USP5: variants seen among roughly 807,000 people sequenced by gnomAD.
The protein encoded by USP5 is ubiquitin carboxyl-terminal hydrolase 5.
Under a neutral mutation model 102.5 loss-of-function variants are expected in USP5, and 24 were observed. That is an observed-to-expected ratio of 0.23 (90% CI 0.17 to 0.33). USP5 has a LOEUF of 0.33. USP5 is among the 10% of genes least tolerant of loss of function. USP5 has a pLI of 1.00. For synonymous variants in USP5, 460 were observed against 434.8 expected (o/e 1.06, Z -0.72); for missense variants, 753 against 1,122.1 (o/e 0.67, Z 4.70).
Position 6,855,276 on chromosome 12 carries a change from C to T in USP5, c.112-125C>T, listed in dbSNP as rs1944074555. 1.5e-6 allele frequency: 2 copies of T among 1,319,272 alleles called. No individual in the cohort carries two copies. The highest frequency in any genetic ancestry group is 1.4e-5 in the South Asian group (1 of 69,374). The allele number at this position is 1,319,272 out of a possible 1,614,324, so 81.7% of individuals were successfully genotyped here. A position where few individuals can be genotyped will look rare whatever the true frequency, so the allele number is the denominator to read the frequency against. On this transcript the variant is annotated intron_variant, in intron 1 of 19. Transcript: ENST00000229268. This position sits in a 1 kb window ranked among gnomAD's most constrained non-coding sequence, Gnocchi z 4.6. ...AGGCTAAATAACTTGCCAAGGGCCA[C>T]ACAGTGTTAGAGAACAGAACATTTC... is the stretch of plus-strand genomic sequence containing the variant.
intron 1 of USP5, among the ~76,000 whole-genome samples, chr12:6,854,661 G>A (rs1317458330): frequency 6.6e-6 from 1 of 152,128 alleles, no homozygotes; most frequent in Non-Finnish European, 1.5e-5. Flanking sequence ...TGGAGACTGA[G>A]GCAGAAGGAT....
chr12:6,854,802 T>C (rs1944059979), intron 1 of USP5, among the ~76,000 whole-genome samples: 2 of 152,168 alleles, frequency 1.3e-5, no homozygotes, highest in South Asian at 2.1e-4. Flanking sequence ...TTTTGCTTGC[T>C]GGCACACTCG....
rs1157706623 is a variant in USP5 at position 6,861,394 on chromosome 12, C to T, written c.1499-49C>T. ...AGCCAGTAGGGAGAGGCTAAGGAGGCAAAGAAGCAGCACCCTCCGAAGGAT... is the reference window on the plus strand; with the variant it reads ...AGCCAGTAGGGAGAGGCTAAGGAGGTAAAGAAGCAGCACCCTCCGAAGGAT... On this transcript the variant is annotated intron_variant, in intron 12 of 19. Transcript: ENST00000229268. This position sits in a 1 kb window ranked among gnomAD's most constrained non-coding sequence, Gnocchi z 4.9. 2 of 1,519,636 alleles carry T rather than the reference C, an allele frequency of 1.3e-6. No homozygotes were observed. Among genetic ancestry groups the T allele is most frequent in the South Asian group, 1.3e-5 (1 of 77,404 alleles). The allele number at this position is 1,519,636 out of a possible 1,614,324, so 94.1% of individuals were successfully genotyped here.
intron 1 of USP5, among the ~76,000 whole-genome samples, chr12:6,853,006 C>T (rs1348935753): frequency 2.6e-5 from 4 of 151,456 alleles, no homozygotes; most frequent in African/African-American, 4.9e-5. Context: ...ATGCTAAGGC[C>T]TCTTTCCCAT....
In USP5 at chr12:6,863,214, C is replaced by T. The variant is rs782615732; in HGVS notation, c.1791C>T (p.Leu597=). The T allele has an allele frequency of 1.6e-5, 26 of 1,613,560 alleles. No individual in the cohort carries two copies. The highest frequency in any genetic ancestry group is 3.3e-4 in the Middle Eastern group (2 of 6,080). Residue 597 remains leucine (L), a synonymous_variant, in exon 15 of 20, where the codon CTC becomes CTT. Coordinates refer to ENST00000229268, the MANE Select transcript of USP5 (RefSeq NM_001098536.2). This position sits in a 1 kb window ranked among gnomAD's most constrained non-coding sequence, Gnocchi z 4.7. ...LDVSIEMPEE[L]DISQLRGTGL... is the part of the protein sequence containing the mutation. The stretch of plus-strand genomic sequence containing the variant: ...TGTCCATCGAGATGCCAGAGGAGCT[C>T]GACATCTCCCAGTTGAGGGGCACAG...
chr12:6,865,932 C>T, intron 19 of USP5, 52 bp from the exon 20 acceptor site: 3 of 1,516,762 alleles, frequency 2.0e-6, no homozygotes, highest in Non-Finnish European at 2.7e-6. Flanking sequence ...TACATGATGC[C>T]ACTTTGAATG....
rs1944248638 is a variant in USP5, at chr12:6,860,523, T to A, written c.1344+32T>A. ...GCTGGCAAGATGGCACACCCCCATC[T>A]TCCTGCAATTTACTCGCTCTCCTTC... On this transcript the variant is annotated intron_variant, in intron 11 of 19. Coordinates refer to ENST00000229268, the MANE Select transcript of USP5 (RefSeq NM_001098536.2). The surrounding 1 kb of genome is among the most constrained non-coding windows in gnomAD (Gnocchi z 5.5). 1.2e-6 allele frequency: 2 copies of A among 1,611,664 alleles called. No homozygotes were observed. The highest frequency in any genetic ancestry group is 1.7e-6 in the Non-Finnish European group (2 of 1,179,606).
chr12:6,857,466 G>A (rs1944151219), intron 6 of USP5, 163 bp from the exon 7 acceptor site: 1 of 581,790 alleles, frequency 1.7e-6, no homozygotes, highest in African/African-American at 1.9e-5. Flanking sequence ...GCCCCAGAAG[G>A]GCCATGACCG....
Position 6,864,813 on chromosome 12 carries a change from C to T in USP5, c.2336C>T (p.Ser779Leu). The T allele has an allele frequency of 6.2e-7, 1 of 1,614,032 alleles. No homozygotes were observed. The highest frequency in any genetic ancestry group is 8.5e-7 in the Non-Finnish European group (1 of 1,180,048). The stretch of plus-strand genomic sequence containing the variant: ...GCCATGGACATCTCAGAGGGCCGCT[C>T]AGCTGCCGACTCCATCTCTGAGTCT... ...EAAMDISEGRSAADSISESVP... is the reference protein window; with the variant it reads ...EAAMDISEGRLAADSISESVP... The change falls in exon 18 of 20, where the codon TCA becomes TTA. Residue 779 changes from serine to leucine, a missense_variant. Ser to Leu is a moderately radical substitution (Grantham distance 145). Around this residue, in one of 3 missense-constraint regions of USP5, gnomAD observed 193 missense variants for 230.2 expected, o/e 0.84. Transcript: ENST00000229268. The surrounding 1 kb of genome is among the most constrained non-coding windows in gnomAD (Gnocchi z 4.8).
At chr12:6,852,383 C>T (rs1687778029) in intron 1 of USP5, 93 bp downstream of exon 1, 1 of 1,248,584 alleles carries the variant, frequency 8.0e-7, no homozygotes, top group East Asian at 2.5e-5. Context: ...CTACCGCCTC[C>T]CTGCGATGCA....
At chr12:6,859,353 A>G in intron 8 of USP5, 117 bp from the exon 9 acceptor site, 1 of 991,450 alleles carries the variant, frequency 1.0e-6, no homozygotes, top group Non-Finnish European at 1.6e-6. Flanking sequence ...GTTCACCCAC[A>G]GCAACTCCCC....
intron 19 of USP5, 89 bp downstream of exon 19, chr12:6,865,337 A>T: frequency 8.2e-7 from 1 of 1,217,448 alleles, no homozygotes; most frequent in Non-Finnish European, 1.2e-6. Flanking sequence ...CTATGGGAGA[A>T]GGTGAAGGGA....
chr12:6,854,930 C>T (rs1293168297), intron 1 of USP5, among the ~76,000 whole-genome samples: 1 of 152,130 alleles, frequency 6.6e-6, no homozygotes, highest in Non-Finnish European at 1.5e-5. Context: ...TTCAGTGTCT[C>T]ACATGAAAGT....
intron 1 of USP5, among the ~76,000 whole-genome samples, chr12:6,854,903 G>C (rs1209569886): frequency 6.6e-6 from 1 of 152,104 alleles, no homozygotes; most frequent in Non-Finnish European, 1.5e-5. Flanking sequence ...TTTGTCTTAG[G>C]TGTCCCCTGG....
rs782524704 is a variant in USP5 at position 6,864,112 on chromosome 12, G to C, written c.2161G>C (p.Asp721His). 1.2e-6 allele frequency: 2 copies of C among 1,613,826 alleles called. No homozygotes were observed. Among genetic ancestry groups the C allele is most frequent in the Non-Finnish European group, 8.5e-7 (1 of 1,179,920 alleles). ...SGPGSTSAAA[D>H]PPPEDCVTTI... The stretch of plus-strand genomic sequence containing the variant: ...GCCGGGCTCCACAAGCGCAGCAGCC[G>C]ACCCCCCTCCTGAGGACTGTGTGAC... The change falls in exon 17 of 20, where the codon GAC becomes CAC. Residue 721 changes from aspartate (D) to histidine (H), a missense_variant. By Grantham distance (81) the Asp-to-His change is moderately conservative. Coordinates refer to ENST00000229268, the MANE Select transcript of USP5 (RefSeq NM_001098536.2). This position sits in a 1 kb window ranked among gnomAD's most constrained non-coding sequence, Gnocchi z 4.8.
In USP5 at chr12:6,866,181, C is replaced by A. The variant is rs1944439982; in HGVS notation, c.*104C>A. On this transcript the variant is annotated 3_prime_UTR_variant, in exon 20 of 20. Transcript: ENST00000229268. This position sits in a 1 kb window ranked among gnomAD's most constrained non-coding sequence, Gnocchi z 4.7. ...AGCCCCTCTGCTCTGTACCCTTTTTCCTTTTGTCCCCGGCAGCAGGGAAGA... is the reference window on the plus strand; with the variant it reads ...AGCCCCTCTGCTCTGTACCCTTTTTACTTTTGTCCCCGGCAGCAGGGAAGA... 3 of 1,074,592 alleles carry A rather than the reference C, an allele frequency of 2.8e-6. No homozygotes were observed. In the Admixed American group the frequency reaches 7.2e-5, roughly 26 times the overall value. 66.6% of individuals were successfully genotyped at this position (1,074,592 alleles called of 1,614,324 possible). A position where few individuals can be genotyped will look rare whatever the true frequency, so the allele number is the denominator to read the frequency against.
At position 6,856,519 on chromosome 12, in the gene USP5, G is replaced by A. The variant is rs1448071411; in HGVS notation, c.584+69G>A. The stretch of plus-strand genomic sequence containing the variant: ...GGACAAGGAGCCCACTTTTCTGGGG[G>A]ATCTGGTGGGAGAGAGGGTAGGGAG... On this transcript the variant is annotated intron_variant, in intron 5 of 19. Transcript: ENST00000229268. This position sits in a 1 kb window ranked among gnomAD's most constrained non-coding sequence, Gnocchi z 5.6. 22 of 1,558,650 alleles carry A rather than the reference G, an allele frequency of 1.4e-5. No homozygotes were observed. The highest frequency in any genetic ancestry group is 1.6e-5 in the Non-Finnish European group (18 of 1,153,754).
Position 6,855,981 on chromosome 12 carries a change from T to C in USP5, c.305-36T>C, listed in dbSNP as rs782264039. On this transcript the variant is annotated intron_variant, in intron 3 of 19. Coordinates refer to ENST00000229268, the MANE Select transcript of USP5 (RefSeq NM_001098536.2). This position sits in a 1 kb window ranked among gnomAD's most constrained non-coding sequence, Gnocchi z 4.6. ...GAGGAGGGACATTGACCTGTTGTCA[T>C]TGCTCTACTCTCCCTCTTCTTCCCT... 8 of 1,613,136 alleles carry C rather than the reference T, an allele frequency of 5.0e-6. No individual in the cohort carries two copies. The African/African-American group carries it at 6.7e-5, about 13-fold the overall frequency.
In USP5 at chr12:6,858,382, G is replaced by A; in HGVS notation, c.865-42G>A. The A allele has an allele frequency of 6.3e-7, 1 of 1,577,838 alleles. No homozygotes were observed. The highest frequency in any genetic ancestry group is 8.7e-7 in the Non-Finnish European group (1 of 1,150,192). Reference sequence around the variant, plus strand: ...GAGAGATCGAGGTAAAAACTACAGGGTTGAGTTTCTCACTCAGTCTGAAGT... The same window carrying A: ...GAGAGATCGAGGTAAAAACTACAGGATTGAGTTTCTCACTCAGTCTGAAGT... On this transcript the variant is annotated intron_variant, in intron 7 of 19. Transcript: ENST00000229268. The surrounding 1 kb of genome is among the most constrained non-coding windows in gnomAD (Gnocchi z 4.2).
Sources: allele counts gnomAD v4.1 joint callset (sites outside exome capture counted in the v4.1 genomes callset), GRCh38; gene constraint gnomAD v4.1.1; regional missense constraint gnomAD v4.1.1; non-coding constraint Gnocchi (gnomAD v3.1); transcripts MANE v1.5; gene names NCBI Gene and HGNC (gene_info 2026-07-23, HGNC 2026-07-21).